CATSPER3: variants seen among roughly 807,000 people sequenced by gnomAD.
The protein encoded by CATSPER3 is cation channel sperm associated 3.
In CATSPER3, 23 loss-of-function variants were observed where a neutral mutation model predicts 36.6. The observed-to-expected ratio is 0.63, with a 90% CI of 0.45 to 0.89. The LOEUF is 0.89. Among genes scored for constraint, CATSPER3 ranks in the 40% least tolerant of loss-of-function variants. The pLI, the probability that CATSPER3 is intolerant of heterozygous loss-of-function variation, is 0.00. For missense variants in CATSPER3, 474 were observed against 503.9 expected (o/e 0.94, Z 0.57); for synonymous variants, 172 against 184.1 (o/e 0.93, Z 0.53).
intron 4 of CATSPER3, 35 bp downstream of exon 4, chr5:135,008,174 C>T: frequency 3.2e-6 from 5 of 1,579,310 alleles, no homozygotes; most frequent in Admixed American, 1.7e-5. Flanking sequence ...AGGGCAGGGG[C>T]CTTAGGAAGG....
chr5:134,968,505 A>G (rs1751560896), intron 1 of CATSPER3: 1 of 250,772 alleles, frequency 4.0e-6, no homozygotes. Flanking sequence ...AGCCTGGCCA[A>G]CGTGGCGAAA....
chr5:134,970,245 T>C (rs921367413), intron 2 of CATSPER3, among the ~76,000 whole-genome samples, 153 bp downstream of exon 2: 2 of 151,938 alleles, frequency 1.3e-5, no homozygotes, highest in African/African-American at 4.8e-5. Flanking sequence ...AACCTCCATC[T>C]CCACCTCCCA....
At chr5:134,992,370 G>A (rs1448708862) in intron 2 of CATSPER3, among the ~76,000 whole-genome samples, 1 of 152,114 alleles carries the variant, frequency 6.6e-6, no homozygotes, top group Non-Finnish European at 1.5e-5. Context: ...TTAGGGAAAT[G>A]CAAATGAAAA....
chr5:134,982,837 T>C (rs1255255501), intron 2 of CATSPER3, among the ~76,000 whole-genome samples: 4 of 152,226 alleles, frequency 2.6e-5, no homozygotes, highest in Non-Finnish European at 5.9e-5. Context: ...TTTAAAAATA[T>C]ATGGTTTAAA....
intron 2 of CATSPER3, among the ~76,000 whole-genome samples, chr5:134,983,539 A>G (rs978376562): frequency 6.6e-6 from 1 of 152,204 alleles, no homozygotes; most frequent in Non-Finnish European, 1.5e-5. Flanking sequence ...GTCTCAAACA[A>G]ATGAAGAAAC....
intron 6 of CATSPER3, among the ~76,000 whole-genome samples, chr5:135,009,720 G>A (rs1752154821): frequency 9.6e-6 from 1 of 103,738 alleles, no homozygotes; most frequent in African/African-American, 3.8e-5. Flanking sequence ...TGATTATAAT[G>A]TCTCCCTCTG....
intron 3 of CATSPER3, among the ~76,000 whole-genome samples, chr5:134,998,529 C>A (rs975977537): frequency 6.6e-6 from 1 of 152,230 alleles, no homozygotes; most frequent in African/African-American, 2.4e-5. Flanking sequence ...AGTTTACAGT[C>A]CCACCAACAG....
chr5:134,997,102 A>G (rs1248364064), intron 3 of CATSPER3, among the ~76,000 whole-genome samples: 1 of 152,204 alleles, frequency 6.6e-6, no homozygotes, highest in East Asian at 1.9e-4. Context: ...GCCCTCAGGC[A>G]CTTGTCCTGT....
chr5:134,999,146 C>G (rs1751989957), intron 3 of CATSPER3, among the ~76,000 whole-genome samples: 1 of 151,996 alleles, frequency 6.6e-6, no homozygotes, highest in Non-Finnish European at 1.5e-5. Flanking sequence ...AGCCAGTTTT[C>G]CCAGCACCAT....
rs368801397 is a variant in CATSPER3, at chr5:134,978,493, G to A, written c.252+8401G>A. Among the ~76,000 whole-genome samples the A allele has an allele frequency of 4.6e-5, 7 of 152,150 alleles. No individual in the cohort carries two copies. The East Asian group carries it at 1.4e-3, about 29-fold the overall frequency. ...ACAAAACACAATCTATAAAAAAACT[G>A]ATTGCAAACATTATACTTAATGATG... On this transcript the variant is annotated intron_variant, in intron 2 of 7. Transcript: ENST00000282611.
chr5:134,980,378 C>CTCCCTCCT (rs1212254213), intron 2 of CATSPER3, among the ~76,000 whole-genome samples: 2 of 148,408 alleles, frequency 1.3e-5, no homozygotes, highest in Non-Finnish European at 3.0e-5. Flanking sequence ...CCTTCCTTCC[C>CTCCCTCCT]TCCCTCCTTC....
intron 4 of CATSPER3, among the ~76,000 whole-genome samples, 186 bp downstream of exon 4, chr5:135,008,325 G>C (rs1752117879): frequency 6.6e-6 from 1 of 152,160 alleles, no homozygotes; most frequent in Non-Finnish European, 1.5e-5. Context: ...CTCCATCGCT[G>C]TCTCTAGGCC....
At chr5:134,996,575 A>G in intron 3 of CATSPER3, 63 bp downstream of exon 3, 1 of 1,567,168 alleles carries the variant, frequency 6.4e-7, no homozygotes, top group South Asian at 1.1e-5. Context: ...TGCCCCCAAG[A>G]CACTAAGGAA....
In CATSPER3 at chr5:135,008,984, G is replaced by A; in HGVS notation, c.816+3G>A. On this transcript the variant is annotated splice_donor_region_variant and intron_variant, in intron 5 of 7. Transcript: ENST00000282611. Reference sequence around the variant, plus strand: ...GTGTGATGATCATGCACACAGAGGTGAGGCCACACCTGTGAGGATCGGAGG... The same window carrying A: ...GTGTGATGATCATGCACACAGAGGTAAGGCCACACCTGTGAGGATCGGAGG... 6.2e-7 allele frequency: 1 copy of A among 1,614,048 alleles called. No individual in the cohort carries two copies. Among genetic ancestry groups the A allele is most frequent in the Non-Finnish European group, 8.5e-7 (1 of 1,180,014 alleles).
At chr5:135,005,677 C>A (rs543001496) in intron 3 of CATSPER3, among the ~76,000 whole-genome samples, 1 of 152,238 alleles carries the variant, frequency 6.6e-6, no homozygotes, top group Non-Finnish European at 1.5e-5. Context: ...GCTCCTGACC[C>A]CTGATTAATT....
intron 3 of CATSPER3, 89 bp from the exon 4 acceptor site, chr5:135,007,868 A>G: frequency 1.3e-6 from 1 of 766,222 alleles, no homozygotes; most frequent in Non-Finnish European, 2.0e-6. Context: ...TGCTGGGGAC[A>G]GCTGTGAACT....
chr5:134,997,280 G>A (rs1302641940), intron 3 of CATSPER3, among the ~76,000 whole-genome samples: 1 of 152,246 alleles, frequency 6.6e-6, no homozygotes, highest in African/African-American at 2.4e-5. Context: ...CACTCTGGGA[G>A]CCCCAGGCCT....
chr5:135,004,729 G>A (rs1752063908), intron 3 of CATSPER3, among the ~76,000 whole-genome samples: 1 of 152,186 alleles, frequency 6.6e-6, no homozygotes, highest in South Asian at 2.1e-4. Flanking sequence ...CCTGGAGAAG[G>A]AGGTACTGAG....
chr5:135,004,074 C>G (rs1273264492), intron 3 of CATSPER3, among the ~76,000 whole-genome samples: 1 of 152,204 alleles, frequency 6.6e-6, no homozygotes, highest in Non-Finnish European at 1.5e-5. Flanking sequence ...TGGAGTTGTT[C>G]TTATTCAGCC....
Sources: gnomAD v4.1 joint callset for allele counts (sites outside exome capture counted in the v4.1 genomes callset) on GRCh38, gnomAD v4.1.1 for gene constraint, MANE v1.5 for transcripts, NCBI Gene and HGNC (gene_info 2026-07-23, HGNC 2026-07-21) for gene names.